The following YTHDF3 variants were observed in gnomAD, a reference collection of about 807,000 sequenced individuals.
YTHDF3 encodes the protein YTH domain-containing family protein 3.
A neutral mutation model predicts 52.5 loss-of-function variants in YTHDF3; 9 were observed. That is an observed-to-expected ratio of 0.17 (90% confidence interval 0.10 to 0.30). The LOEUF is 0.30. YTHDF3 is among the 10% of genes least tolerant of loss of function. The probability of loss-of-function intolerance (pLI) is 1.00; values close to 1 mark genes in which losing one functional copy is unlikely to be tolerated. For synonymous variants in YTHDF3, 274 were observed against 243.3 expected (o/e 1.13, Z -1.18); for missense variants, 534 against 715.0 (o/e 0.75, Z 2.89).
At chr8:63,201,562 ATCC>A (rs1484053676) in intron 4 of YTHDF3, among the ~76,000 whole-genome samples, 1 of 152,188 alleles carries the variant, frequency 6.6e-6, no homozygotes, top group Non-Finnish European at 1.5e-5. Flanking sequence ...ATTGTAGAGA[ATCC>A]TCACCAAACT....
chr8:63,172,873 A>G, intron 2 of YTHDF3: 3 of 1,139,784 alleles, frequency 2.6e-6, no homozygotes, highest in Non-Finnish European at 3.3e-6. Context: ...ATTTCTATTT[A>G]ATGGTTTTCA....
Position 63,210,372 on chromosome 8 carries a change from A to G in YTHDF3, c.*666A>G, listed in dbSNP as rs930400078. 2.0e-5 allele frequency: 3 copies of G among 152,562 alleles called. No homozygotes were observed. The highest frequency in any genetic ancestry group is 7.2e-5 in the African/African-American group (3 of 41,434). 9.5% of individuals were successfully genotyped at this position (152,562 alleles called of 1,614,324 possible). On this transcript the variant is annotated 3_prime_UTR_variant, in exon 5 of 5. Transcript: ENST00000539294. Reference sequence around the variant, plus strand: ...TGGTGGATTTCACCAGTTAATGCACATTCTTCTTCCCTCCTCCCCCCATTA... The same window carrying G: ...TGGTGGATTTCACCAGTTAATGCACGTTCTTCTTCCCTCCTCCCCCCATTA...
intron 2 of YTHDF3, 62 bp from the exon 3 acceptor site, chr8:63,175,269 T>C: frequency 8.2e-7 from 1 of 1,216,416 alleles, no homozygotes; most frequent in Non-Finnish European, 1.2e-6. Context: ...TTAAAAACAT[T>C]AGGTTGTGCT....
chr8:63,186,040 C>T, intron 3 of YTHDF3, 107 bp from the exon 4 acceptor site: 1 of 1,211,894 alleles, frequency 8.3e-7, no homozygotes, highest in Non-Finnish European at 1.1e-6. Context: ...ATAGGTACAT[C>T]TTTTATTTTC....
intron 4 of YTHDF3, among the ~76,000 whole-genome samples, chr8:63,207,253 GTCT>G (rs1409055840): frequency 1.3e-5 from 2 of 152,036 alleles, no homozygotes; most frequent in African/African-American, 2.4e-5. Context: ...AGTTGTATGA[GTCT>G]TCATTTGCTT....
intron 2 of YTHDF3, among the ~76,000 whole-genome samples, chr8:63,173,185 G>T (rs1048863868): frequency 1.9e-5 from 2 of 103,592 alleles, no homozygotes; most frequent in African/African-American, 1.3e-4. Context: ...AAAAAAATAA[G>T]AATAACAGGA....
chr8:63,204,009 C>T (rs1345347168), intron 4 of YTHDF3, among the ~76,000 whole-genome samples: 1 of 152,198 alleles, frequency 6.6e-6, no homozygotes, highest in African/African-American at 2.4e-5. Context: ...TTTGTGTACT[C>T]TGTTCCTAGA....
In YTHDF3 at chr8:63,186,780, A is replaced by T. The variant is rs1301644028; in HGVS notation, c.769A>T (p.Asn257Tyr). 1 of 1,613,876 alleles carries T rather than the reference A, an allele frequency of 6.2e-7. No homozygotes were observed. The highest frequency in any genetic ancestry group is 8.5e-7 in the Non-Finnish European group (1 of 1,179,892). The change falls in exon 4 of 5, where the codon AAT becomes TAT. Residue 257 changes from asparagine to tyrosine, a missense_variant. Around this residue, in one of 3 missense-constraint regions of YTHDF3, gnomAD observed 203 missense variants for 201.3 expected, o/e 1.01. Transcript: ENST00000539294. Reference sequence around the variant, plus strand: ...TCAACCGAAACTTAAACCCAAGGGCAATGTGGGAATTGGGGGTTCTGCTGT... The same window carrying T: ...TCAACCGAAACTTAAACCCAAGGGCTATGTGGGAATTGGGGGTTCTGCTGT... ...KPQPKLKPKG[N>Y]VGIGGSAVPP...
chr8:63,169,056 T>C (rs2129935389), intron 1 of YTHDF3, 155 bp downstream of exon 1: 3 of 1,419,818 alleles, frequency 2.1e-6, no homozygotes, highest in Non-Finnish European at 2.7e-6. Context: ...GGCCGGGGCG[T>C]GCGCCCTGGC....
At chr8:63,169,681 G>A (rs1038147347) in intron 2 of YTHDF3, among the ~76,000 whole-genome samples, 2 of 152,142 alleles carry the variant, frequency 1.3e-5, no homozygotes, top group East Asian at 3.9e-4. Flanking sequence ...TATTTCTTTG[G>A]TTTTCCAGTT....
Position 63,209,664 on chromosome 8 carries a change from TGTG to T in YTHDF3, c.1735-18_1735-16del, listed in dbSNP as rs1451343295. On this transcript the variant is annotated splice_polypyrimidine_tract_variant and intron_variant, in intron 4 of 4. Coordinates refer to ENST00000539294, the MANE Select transcript of YTHDF3 (RefSeq NM_152758.6). ...TTCATTGTAATTCTTTTTGTGTGTG[TGTG>T]TTTTTTTTTTTTCAGGAGAGAAATA... The T allele has an allele frequency of 1.9e-6, 3 of 1,560,632 alleles. No individual in the cohort carries two copies. Among genetic ancestry groups the T allele is most frequent in the Non-Finnish European group, 2.6e-6 (3 of 1,160,180 alleles).
chr8:63,211,443 T>C lies in YTHDF3; in HGVS notation c.*1737T>C, dbSNP rs947934883. 43 of 152,638 alleles carry C rather than the reference T, an allele frequency of 2.8e-4. No individual in the cohort carries two copies. Among genetic ancestry groups the C allele is most frequent in the Non-Finnish European group, 3.7e-4 (25 of 67,980 alleles). 9.5% of individuals were successfully genotyped at this position (152,638 alleles called of 1,614,324 possible). A position where few individuals can be genotyped will look rare whatever the true frequency, so the allele number is the denominator to read the frequency against. On this transcript the variant is annotated 3_prime_UTR_variant, in exon 5 of 5. Coordinates refer to ENST00000539294, the MANE Select transcript of YTHDF3 (RefSeq NM_152758.6). ...TCTCTTAACTATTTATAATGAAAAG[T>C]GGCATTTGGGTATAGTCACCACAGC...
chr8:63,183,564 T>C (rs1362251100), intron 3 of YTHDF3, among the ~76,000 whole-genome samples: 1 of 152,260 alleles, frequency 6.6e-6, no homozygotes, highest in Non-Finnish European at 1.5e-5. Context: ...CAGTCAGTAC[T>C]TCCAGTATTG....
Position 63,186,757 on chromosome 8 carries a change from A to T in YTHDF3, c.746A>T (p.Gln249Leu). 1 of 1,613,958 alleles carries T rather than the reference A, an allele frequency of 6.2e-7. No homozygotes were observed. The highest frequency in any genetic ancestry group is 8.5e-7 in the Non-Finnish European group (1 of 1,179,876). ...ATTGCCAGAAAGCCTGCCAAACCTC[A>T]ACCGAAACTTAAACCCAAGGGCAAT... ...AAIARKPAKPQPKLKPKGNVG... is the reference protein window; with the variant it reads ...AAIARKPAKPLPKLKPKGNVG... Residue 249 changes from glutamine to leucine, a missense_variant, in exon 4 of 5, where the codon CAA (glutamine) becomes CTA (leucine). Coordinates refer to ENST00000539294, the MANE Select transcript of YTHDF3 (RefSeq NM_152758.6).
chr8:63,196,455 G>A (rs1290851150), intron 4 of YTHDF3, among the ~76,000 whole-genome samples: 1 of 151,516 alleles, frequency 6.6e-6, no homozygotes, highest in African/African-American at 2.4e-5. Context: ...CCAGCTCCTC[G>A]GGAGGCTGAG....
intron 4 of YTHDF3, among the ~76,000 whole-genome samples, chr8:63,198,160 G>A (rs80325902): frequency 1.3e-5 from 2 of 152,094 alleles, no homozygotes; most frequent in East Asian, 1.9e-4. Flanking sequence ...CTAGAATTTT[G>A]TGTGTATTTT....
In YTHDF3 at chr8:63,180,881, G is replaced by GA. The variant is rs549501789; in HGVS notation, c.136-5266_136-5265insA. 8.1e-3 allele frequency among the ~76,000 whole-genome samples: 1,220 copies of GA among 151,502 alleles called. 24 individuals are homozygous for GA. Among genetic ancestry groups the GA allele is most frequent in the African/African-American group, 0.028 (1,176 of 41,514 alleles). ...CGCAGGCACTCGGCAGGCTGAGGCA[G>GA]GAGAATCAGGCAGGGAGGTTGCAGT... On this transcript the variant is annotated intron_variant, in intron 3 of 4. Transcript: ENST00000539294.
intron 4 of YTHDF3, among the ~76,000 whole-genome samples, chr8:63,190,387 G>A (rs1468629711): frequency 6.6e-6 from 1 of 151,742 alleles, no homozygotes; most frequent in African/African-American, 2.4e-5. Context: ...AGTTGTTTCA[G>A]GAAATTTTTA....
intron 3 of YTHDF3, among the ~76,000 whole-genome samples, chr8:63,182,674 C>T (rs536823734): frequency 6.6e-6 from 1 of 152,280 alleles, no homozygotes; most frequent in African/African-American, 2.4e-5. Context: ...ATAAAGACTA[C>T]TGAATCTGGA....
Sources: gnomAD v4.1 joint callset for allele counts (sites outside exome capture counted in the v4.1 genomes callset) on GRCh38, gnomAD v4.1.1 for gene constraint, gnomAD v4.1.1 regional missense constraint, MANE v1.5 for transcripts, NCBI Gene and HGNC (gene_info 2026-07-23, HGNC 2026-07-21) for gene names.